The following CDH7 variants were observed in gnomAD, a reference collection of about 807,000 sequenced individuals.
CDH7 encodes the protein cadherin 7.
In CDH7, 25 loss-of-function variants were observed where a neutral mutation model predicts 71.8. The ratio of observed to expected loss-of-function variants is 0.35; its 90% CI spans 0.25 to 0.49. The LOEUF (loss-of-function observed/expected upper bound fraction) is 0.49, where lower values mean the gene tolerates loss of function less well. Ranked by LOEUF, CDH7 falls within the 20% of genes least tolerant of loss-of-function variation. The pLI is 0.99. For missense variants in CDH7, 862 were observed against 974.6 expected, an observed-to-expected ratio of 0.88 and a Z score of 1.54; for synonymous variants, 381 against 363.8, an observed-to-expected ratio of 1.05 and a Z score of -0.54.
At chr18:65,775,573 C>G (rs892578097) in intron 2 of CDH7, among the ~76,000 whole-genome samples, 11 of 152,132 alleles carry the variant, frequency 7.2e-5, no homozygotes, top group African/African-American at 2.7e-4. Context: ...GATGTCCAAT[C>G]TTTTGTCTTC....
intron 3 of CDH7, among the ~76,000 whole-genome samples, chr18:65,811,966 CTTTTTTTTT>C (rs57594274): frequency 1.3e-4 from 12 of 95,884 alleles, no homozygotes; most frequent in Middle Eastern, 8.8e-3. Flanking sequence ...CTTTTCTTTT[CTTTTTTTTT>C]TTTTTTTTTT....
At chr18:65,856,062 G>A (rs1913344513) in intron 7 of CDH7, among the ~76,000 whole-genome samples, 1 of 152,076 alleles carries the variant, frequency 6.6e-6, no homozygotes, top group Non-Finnish European at 1.5e-5. Context: ...GTTGTGGAGA[G>A]GAGTCCATTT....
At chr18:65,814,669 T>C in intron 4 of CDH7, 65 bp downstream of exon 4, 1 of 1,409,918 alleles carries the variant, frequency 7.1e-7, no homozygotes, top group Non-Finnish European at 9.7e-7. Context: ...ATTAATATTA[T>C]TTCTAAATAT....
intron 6 of CDH7, among the ~76,000 whole-genome samples, chr18:65,828,961 T>A (rs774736621): frequency 6.6e-6 from 1 of 152,158 alleles, no homozygotes; most frequent in Non-Finnish European, 1.5e-5. Flanking sequence ...TAAATTTGCT[T>A]TCAGTTTTCT....
At chr18:65,768,534 T>C (rs1916447392) in intron 2 of CDH7, among the ~76,000 whole-genome samples, 1 of 152,176 alleles carries the variant, frequency 6.6e-6, no homozygotes, top group Admixed American at 6.5e-5. Flanking sequence ...TGTATTTATA[T>C]TGAGGTTTTA....
intron 1 of CDH7, among the ~76,000 whole-genome samples, chr18:65,751,540 A>G (rs1915877797): frequency 6.6e-6 from 1 of 151,980 alleles, no homozygotes; most frequent in Non-Finnish European, 1.5e-5. Flanking sequence ...TGGGGGCACA[A>G]CTCCGCGCCG....
chr18:65,801,480 G>T (rs1311799761), intron 2 of CDH7, among the ~76,000 whole-genome samples: 1 of 152,204 alleles, frequency 6.6e-6, no homozygotes, highest in Non-Finnish European at 1.5e-5. Flanking sequence ...GAATCATTGA[G>T]ACCAACTTTT....
Position 65,888,099 on chromosome 18 carries a change from C to G in CDH7, c.*7205C>G, listed in dbSNP as rs948687212. 5.9e-5 allele frequency: 9 copies of G among 152,112 alleles called. No individual in the cohort carries two copies. Among genetic ancestry groups the G allele is most frequent in the Non-Finnish European group, 1.0e-4 (7 of 68,004 alleles). 9.4% of individuals were successfully genotyped at this position (152,112 alleles called of 1,614,324 possible). On this transcript the variant is annotated 3_prime_UTR_variant, in exon 12 of 12. Coordinates refer to ENST00000397968, the MANE Select transcript of CDH7 (RefSeq NM_004361.5). ...CCTGGGGTCAGGATGTATGTCCAAA[C>G]TGAATAGATTATTTTCGTTCAGCTC...
chr18:65,889,216 T>G lies in CDH7; in HGVS notation c.*8322T>G, dbSNP rs2144088534. ...GATTCATAAACTTGTTATTGAATAGTTGGCACACAAGGGTAGGAGAAAAAT... is the reference window on the plus strand; with the variant it reads ...GATTCATAAACTTGTTATTGAATAGGTGGCACACAAGGGTAGGAGAAAAAT... On this transcript the variant is annotated 3_prime_UTR_variant, in exon 12 of 12. Transcript: ENST00000397968. 1 of 152,260 alleles carries G rather than the reference T, an allele frequency of 6.6e-6. No homozygotes were observed. The highest frequency in any genetic ancestry group is 1.9e-4 in the East Asian group (1 of 5,174). The allele number at this position is 152,260 out of a possible 1,614,324, so 9.4% of individuals were successfully genotyped here. A position where few individuals can be genotyped will look rare whatever the true frequency, so the allele number is the denominator to read the frequency against.
At chr18:65,755,983 AC>A (rs1387306250) in intron 1 of CDH7, among the ~76,000 whole-genome samples, 6 of 151,944 alleles carry the variant, frequency 3.9e-5, no homozygotes, top group African/African-American at 9.7e-5. Context: ...AAACAAAAAA[AC>A]AAAAACAAAA....
chr18:65,785,055 G>A (rs1157372761), intron 2 of CDH7, among the ~76,000 whole-genome samples: 2 of 151,970 alleles, frequency 1.3e-5, no homozygotes, highest in African/African-American at 2.4e-5. Context: ...AATGACTTTT[G>A]GATTGATTTT....
chr18:65,756,096 A>T (rs1436702467), intron 1 of CDH7, among the ~76,000 whole-genome samples: 1 of 152,184 alleles, frequency 6.6e-6, no homozygotes, highest in Non-Finnish European at 1.5e-5. Flanking sequence ...TGTCATTTCC[A>T]CTTTTAAACA....
intron 7 of CDH7, among the ~76,000 whole-genome samples, chr18:65,847,157 A>C (rs78336469): frequency 0.034 from 5,208 of 152,264 alleles, 150 homozygotes; most frequent in South Asian, 0.12. Context: ...ATAATAAAAC[A>C]TATGTTAATG....
chr18:65,869,916 G>T (rs1913878413), intron 11 of CDH7, among the ~76,000 whole-genome samples: 2 of 151,990 alleles, frequency 1.3e-5, no homozygotes, highest in African/African-American at 4.8e-5. Flanking sequence ...ATCTCCATTA[G>T]ACCCTATTTT....
At chr18:65,804,597 C>A (rs1340988337) in intron 2 of CDH7, among the ~76,000 whole-genome samples, 1 of 151,918 alleles carries the variant, frequency 6.6e-6, no homozygotes, top group Non-Finnish European at 1.5e-5. Flanking sequence ...TTGGGCTCTA[C>A]AATCTTTAAT....
At chr18:65,852,044 A>G (rs1913167288) in intron 7 of CDH7, among the ~76,000 whole-genome samples, 1 of 152,224 alleles carries the variant, frequency 6.6e-6, no homozygotes, top group Admixed American at 6.5e-5. Flanking sequence ...ACAGGAATAC[A>G]GAATGACCAA....
Position 65,854,932 on chromosome 18 carries a change from T to TATAC in CDH7, c.1236-2883_1236-2882insTACA, listed in dbSNP as rs67623413. On this transcript the variant is annotated intron_variant, in intron 7 of 11. Transcript: ENST00000397968. ...GTATATGTGTACACATATATATATA[T>TATAC]ACACACACATATATATACACACACA... Among the ~76,000 whole-genome samples the TATAC allele has an allele frequency of 1.4e-4, 21 of 148,862 alleles. No homozygotes were observed. In the East Asian group the frequency reaches 3.2e-3, roughly 23 times the overall value.
intron 4 of CDH7, among the ~76,000 whole-genome samples, chr18:65,817,426 A>G (rs1309578018): frequency 1.3e-5 from 2 of 152,170 alleles, no homozygotes; most frequent in African/African-American, 2.4e-5. Flanking sequence ...TGCTGCCAGC[A>G]CTGGAATTCT....
intron 7 of CDH7, among the ~76,000 whole-genome samples, chr18:65,851,376 AC>A (rs201107000): frequency 1.3e-5 from 2 of 152,160 alleles, no homozygotes; most frequent in East Asian, 3.9e-4. Context: ...TTTTTGTATT[AC>A]ATTATCTTTT....
Sources: allele counts gnomAD v4.1 joint callset (sites outside exome capture counted in the v4.1 genomes callset), GRCh38; gene constraint gnomAD v4.1.1; transcripts MANE v1.5; gene names NCBI Gene and HGNC (gene_info 2026-07-23, HGNC 2026-07-21).